TBC1D2B: variants seen among roughly 807,000 people sequenced by gnomAD.
TBC1D2B encodes TBC1 domain family member 2B.
Under a neutral mutation model 100.8 loss-of-function variants are expected in TBC1D2B, and 64 were observed. The ratio of observed to expected loss-of-function variants is 0.64; its 90% CI spans 0.52 to 0.78. The LOEUF (loss-of-function observed/expected upper bound fraction) is 0.78. Among genes scored for constraint, TBC1D2B ranks in the 30% least tolerant of loss-of-function variants. TBC1D2B has a pLI of 0.00. For synonymous variants in TBC1D2B, 480 were observed against 479.7 expected, an observed-to-expected ratio of 1.00 and a Z score of -0.01; for missense variants, 1,052 against 1,218.4, an observed-to-expected ratio of 0.86 and a Z score of 2.03.
In TBC1D2B at chr15:78,071,860, A is replaced by G. The variant is rs569222125; in HGVS notation, c.360+5433T>C. ...CACCACAGACTAAGTGGCTTAAACA[A>G]CAGAAATTTACTCAGTTCTGAAGGC... On this transcript the variant is annotated intron_variant, in intron 1 of 12. Coordinates refer to ENST00000300584, the MANE Select transcript of TBC1D2B (RefSeq NM_144572.2). Among the ~76,000 whole-genome samples, 13 of 152,322 alleles carry G rather than the reference A, an allele frequency of 8.5e-5. 1 individual carries two copies. The highest frequency in any genetic ancestry group is 6.8e-3 in the Middle Eastern group (2 of 294).
At chr15:78,012,211 A>G (rs1420580358) in intron 9 of TBC1D2B, among the ~76,000 whole-genome samples, 1 of 152,254 alleles carries the variant, frequency 6.6e-6, no homozygotes, top group African/African-American at 2.4e-5. Context: ...AGTGACAGGA[A>G]GAGCTTTGTG....
chr15:78,024,420 A>C lies in TBC1D2B; in HGVS notation c.1206T>G (p.Asp402Glu). The C allele has an allele frequency of 6.2e-7, 1 of 1,614,022 alleles. No individual in the cohort carries two copies. Among genetic ancestry groups the C allele is most frequent in the Middle Eastern group, 1.6e-4 (1 of 6,062 alleles). The change falls in exon 6 of 13, where the codon GAT (aspartate) becomes GAG (glutamate). Residue 402 changes from aspartate to glutamate, a missense_variant. Transcript: ENST00000300584. ...GGCTGGTAAGGCCCAGAATCTGATCATCCTTTTGGTGCAGAAGCTCGAGCG... is the reference window on the plus strand; with the variant it reads ...GGCTGGTAAGGCCCAGAATCTGATCCTCCTTTTGGTGCAGAAGCTCGAGCG... Reference protein sequence around the residue: ...KDTLELLHQKDDQILGLTSQL... With the variant: ...KDTLELLHQKEDQILGLTSQL...
rs577247702 is a variant in TBC1D2B at position 78,057,770 on chromosome 15, A to G, written c.361-3583T>C. 4.0e-3 allele frequency among the ~76,000 whole-genome samples: 614 copies of G among 152,368 alleles called. 2 individuals are homozygous for G. Among genetic ancestry groups the G allele is most frequent in the Non-Finnish European group, 6.3e-3 (432 of 68,032 alleles). On this transcript the variant is annotated intron_variant, in intron 1 of 12. Transcript: ENST00000300584. ...GCATGTGCTTTGACAGAAAAGCCCC[A>G]AAGGGCCTTTTCTGAAGACAGCTGA...
chr15:78,033,514 C>A (rs1032164191), intron 3 of TBC1D2B, among the ~76,000 whole-genome samples: 1 of 152,166 alleles, frequency 6.6e-6, no homozygotes. Flanking sequence ...GGGAAGGGAT[C>A]AACCGCAAAG....
rs1293680575 is a variant in TBC1D2B at position 77,995,705 on chromosome 15, T to G, written c.*2455A>C. On this transcript the variant is annotated 3_prime_UTR_variant, in exon 13 of 13. Coordinates refer to ENST00000300584, the MANE Select transcript of TBC1D2B (RefSeq NM_144572.2). ...AAAGTTGGCAATTCCTAGCAGGTGT[T>G]GGGAGGGAGCTCCCCTCGGTCCTGG... The G allele has an allele frequency of 6.6e-6, 1 of 152,522 alleles. No homozygotes were observed. Among genetic ancestry groups the G allele is most frequent in the African/African-American group, 2.4e-5 (1 of 41,470 alleles). The allele number at this position is 152,522 out of a possible 1,614,324, so 9.4% of individuals were successfully genotyped here.
At chr15:78,037,975 G>C (rs2072987626) in intron 3 of TBC1D2B, among the ~76,000 whole-genome samples, 1 of 152,184 alleles carries the variant, frequency 6.6e-6, no homozygotes, top group African/African-American at 2.4e-5. Flanking sequence ...GAAAAGTGCT[G>C]AGAGGAACTG....
chr15:78,063,521 T>C (rs1028387415), intron 1 of TBC1D2B, among the ~76,000 whole-genome samples: 6 of 152,052 alleles, frequency 3.9e-5, no homozygotes, highest in Non-Finnish European at 7.4e-5. Context: ...CAGGGACAAA[T>C]AAAACTATAT....
At chr15:78,061,074 C>T (rs1394270748) in intron 1 of TBC1D2B, among the ~76,000 whole-genome samples, 1 of 148,806 alleles carries the variant, frequency 6.7e-6, no homozygotes, top group African/African-American at 2.5e-5. Context: ...GGTAAAACCT[C>T]GTCTCTATTA....
At chr15:78,008,869 CT>C (rs2072146117) in intron 10 of TBC1D2B, 127 bp downstream of exon 10, 1 of 665,442 alleles carries the variant, frequency 1.5e-6, no homozygotes, top group Non-Finnish European at 2.6e-6. Context: ...GGCCTGCTGT[CT>C]TCAGGAATCA....
intron 3 of TBC1D2B, among the ~76,000 whole-genome samples, chr15:78,032,939 T>C (rs1480111725): frequency 1.3e-5 from 2 of 152,120 alleles, no homozygotes; most frequent in Admixed American, 6.5e-5. Context: ...TAAAAGTATG[T>C]GAAGAAATAA....
chr15:78,073,143 A>T (rs2073766947), intron 1 of TBC1D2B, among the ~76,000 whole-genome samples: 2 of 152,204 alleles, frequency 1.3e-5, no homozygotes, highest in South Asian at 4.1e-4. Context: ...AGAGGGTCTG[A>T]GTCTAGCTTC....
At chr15:78,076,013 G>A (rs1037837000) in intron 1 of TBC1D2B, among the ~76,000 whole-genome samples, 10 of 152,186 alleles carry the variant, frequency 6.6e-5, no homozygotes. Context: ...CTGGAATACG[G>A]AAGAGGAGTG....
chr15:78,003,257 G>A (rs548851106), intron 11 of TBC1D2B, 48 bp downstream of exon 11: 7 of 1,562,052 alleles, frequency 4.5e-6, no homozygotes, highest in South Asian at 2.2e-5. Flanking sequence ...CGCTGCTGAC[G>A]GTTGTCAAGT....
intron 1 of TBC1D2B, among the ~76,000 whole-genome samples, chr15:78,076,535 A>C (rs1000106799): frequency 6.6e-5 from 10 of 152,074 alleles, no homozygotes; most frequent in Non-Finnish European, 1.5e-4. Flanking sequence ...GTTTCGGCCC[A>C]GGAGTTCGAG....
At chr15:78,003,578 G>A (rs1313445564) in intron 10 of TBC1D2B, 88 bp from the exon 11 acceptor site, 1 of 975,978 alleles carries the variant, frequency 1.0e-6, no homozygotes, top group Non-Finnish European at 1.6e-6. Context: ...GAGAGCCTGG[G>A]GGTGGAGCCC....
chr15:78,045,015 C>G lies in TBC1D2B; in HGVS notation c.568G>C (p.Ala190Pro), dbSNP rs1386094558. 6.2e-7 allele frequency: 1 copy of G among 1,613,560 alleles called. No homozygotes were observed. Among genetic ancestry groups the G allele is most frequent in the South Asian group, 1.1e-5 (1 of 91,016 alleles). The change falls in exon 3 of 13, where the codon GCT (alanine) becomes CCT (proline). Residue 190 changes from alanine (A) to proline (P), a missense_variant. By Grantham distance (27) the Ala-to-Pro change is conservative. Around this residue, in one of 4 missense-constraint regions of TBC1D2B, gnomAD observed 627 missense variants for 646.1 expected, o/e 0.97. Transcript: ENST00000300584. ...AGCTCTCCAGGCACAGTCTCCACAG[C>G]TAGGACATTTCTGGCTTTTTCTGCA... ...ASAEKARNVL[A>P]VETVPGELVG... is the part of the protein sequence containing the mutation.
At chr15:78,026,544 T>C (rs900923144) in intron 4 of TBC1D2B, among the ~76,000 whole-genome samples, 6 of 152,188 alleles carry the variant, frequency 3.9e-5, no homozygotes, top group South Asian at 2.1e-4. Flanking sequence ...ACTCAGCCTA[T>C]GGTATTCTGT....
chr15:78,055,409 C>A (rs369141011), intron 1 of TBC1D2B, among the ~76,000 whole-genome samples: 1 of 152,068 alleles, frequency 6.6e-6, no homozygotes, highest in African/African-American at 2.4e-5. Context: ...CTCCAGGCTG[C>A]CCCCAGCAAA....
chr15:78,053,346 C>T (rs117800324), intron 2 of TBC1D2B, among the ~76,000 whole-genome samples: 2,914 of 152,312 alleles, frequency 0.019, 42 homozygotes, highest in Middle Eastern at 0.041. Flanking sequence ...TTAGACCTTA[C>T]TTCAGAGCTC....
Sources: allele counts gnomAD v4.1 joint callset (sites outside exome capture counted in the v4.1 genomes callset), GRCh38; gene constraint gnomAD v4.1.1; regional missense constraint gnomAD v4.1.1; transcripts MANE v1.5; gene names NCBI Gene and HGNC (gene_info 2026-07-23, HGNC 2026-07-21).